LPO: variants seen among roughly 807,000 people sequenced by gnomAD.
The protein encoded by LPO is salivary peroxidase.
Under a neutral mutation model 68.4 loss-of-function variants are expected in LPO, and 70 were observed. The ratio of observed to expected loss-of-function variants is 1.02; its 90% CI spans 0.84 to 1.25. The LOEUF (loss-of-function observed/expected upper bound fraction) is 1.25. LPO is among the 50% of genes most tolerant of loss of function. LPO has a pLI of 0.00. For synonymous variants in LPO, 360 were observed against 357.6 expected, an observed-to-expected ratio of 1.01 and a Z score of -0.08; for missense variants, 873 against 908.4, an observed-to-expected ratio of 0.96 and a Z score of 0.50.
intron 8 of LPO, among the ~76,000 whole-genome samples, chr17:58,254,152 T>TATAGATATATAGATAGATAGATAG (rs1555605278): frequency 2.5e-3 from 336 of 133,368 alleles, no homozygotes; most frequent in African/African-American, 4.4e-3. Flanking sequence ...TATATAGATA[T>TATAGATATATAGATAGATAGATAG]ATAGATAGAT....
chr17:58,251,694 AACTT>A (rs1374121255), intron 7 of LPO: 2 of 362,610 alleles, frequency 5.5e-6, no homozygotes, highest in Non-Finnish European at 1.1e-5. Flanking sequence ...GTTCTTAGGC[AACTT>A]ACTTAACTTT....
intron 8 of LPO, among the ~76,000 whole-genome samples, chr17:58,253,022 C>CAAAAAAA (rs765890765): frequency 9.0e-4 from 28 of 31,094 alleles, no homozygotes; most frequent in African/African-American, 1.8e-3. Context: ...GACTCCATCT[C>CAAAAAAA]AAAAAAAAAA....
rs528577136 is a variant in LPO, at chr17:58,244,939, G to A, written c.164+858G>A. 4.6e-5 allele frequency among the ~76,000 whole-genome samples: 7 copies of A among 152,316 alleles called. No individual in the cohort carries two copies. The East Asian group carries it at 1.2e-3, about 25-fold the overall frequency. On this transcript the variant is annotated intron_variant, in intron 3 of 12. Transcript: ENST00000262290. Reference sequence around the variant, plus strand: ...CTTCCCTCAGGAAACGCACACTCTAGGGAGAGGGCAGACATTGAGAAAAAA... The same window carrying A: ...CTTCCCTCAGGAAACGCACACTCTAAGGAGAGGGCAGACATTGAGAAAAAA...
chr17:58,239,631 C>T (rs1044849716), intron 1 of LPO, among the ~76,000 whole-genome samples: 1 of 152,096 alleles, frequency 6.6e-6, no homozygotes, highest in African/African-American at 2.4e-5. Flanking sequence ...ATCTCACTGA[C>T]TTCATCCCTT....
At chr17:58,267,720 C>T in intron 12 of LPO, 67 bp from the exon 13 acceptor site, 2 of 1,516,136 alleles carry the variant, frequency 1.3e-6, no homozygotes, top group Non-Finnish European at 1.8e-6. Context: ...CCCTTTCCTT[C>T]CCCTGTGACA....
intron 1 of LPO, among the ~76,000 whole-genome samples, chr17:58,239,863 G>C (rs1224491517): frequency 6.6e-6 from 1 of 152,126 alleles, no homozygotes; most frequent in East Asian, 1.9e-4. Context: ...AGTGTGAGAG[G>C]CTTGCCGAGG....
chr17:58,249,692 G>A lies in LPO; in HGVS notation c.570G>A (p.Pro190=). 1 of 1,565,538 alleles carries A rather than the reference G, an allele frequency of 6.4e-7. No homozygotes were observed. Among genetic ancestry groups the A allele is most frequent in the Non-Finnish European group, 8.6e-7 (1 of 1,163,114 alleles). ...PGKTRNGFPL[P]LAREVSNKIV... is the part of the protein sequence containing the mutation. ...AGACGCGCAACGGCTTCCCTCTCCC[G>A]CTGGTGAGGGCAGGCCGGGCCGGGG... Residue 190 remains proline, a synonymous_variant, in exon 6 of 13, where the codon CCG becomes CCA. Transcript: ENST00000262290.
At chr17:58,254,741 T>C in intron 8 of LPO, 70 bp from the exon 9 acceptor site, 1 of 1,533,398 alleles carries the variant, frequency 6.5e-7, no homozygotes, top group Non-Finnish European at 8.9e-7. Flanking sequence ...GCACCATCAT[T>C]TCTTTGTGCA....
In LPO at chr17:58,247,625, G is replaced by T; in HGVS notation, c.312G>T (p.Leu104Phe). 1 of 1,613,788 alleles carries T rather than the reference G, an allele frequency of 6.2e-7. No individual in the cohort carries two copies. Among genetic ancestry groups the T allele is most frequent in the South Asian group, 1.1e-5 (1 of 91,046 alleles). Reference sequence around the variant, plus strand: ...AGAGACTGAGGCAGAAGGCATCCTTGACCAATGTCACAGGTACAGAAAACC... The same window carrying T: ...AGAGACTGAGGCAGAAGGCATCCTTTACCAATGTCACAGGTACAGAAAACC... Reference protein sequence around the residue: ...SLKRLRQKASLTNVTDPSLDL... With the variant: ...SLKRLRQKASFTNVTDPSLDL... Residue 104 changes from leucine (L) to phenylalanine (F), a missense_variant, in exon 4 of 13, where the codon TTG becomes TTT. Transcript: ENST00000262290.
At chr17:58,260,327 T>G (rs1970153808) in intron 9 of LPO, among the ~76,000 whole-genome samples, 1 of 152,214 alleles carries the variant, frequency 6.6e-6, no homozygotes, top group Non-Finnish European at 1.5e-5. Flanking sequence ...TAAAGACAGT[T>G]GTGTTTCTTC....
intron 5 of LPO, 186 bp from the exon 6 acceptor site, chr17:58,249,380 T>A: frequency 2.0e-6 from 2 of 1,021,070 alleles, no homozygotes; most frequent in Non-Finnish European, 2.8e-6. Context: ...AAGCGGCACC[T>A]TTCCCCGGGG....
At chr17:58,240,996 G>A (rs933242038) in intron 1 of LPO, among the ~76,000 whole-genome samples, 1 of 151,986 alleles carries the variant, frequency 6.6e-6, no homozygotes, top group Admixed American at 6.6e-5. Context: ...GGATGAAAAT[G>A]TTCTAGAGAT....
At chr17:58,245,102 G>A (rs537786173) in intron 3 of LPO, among the ~76,000 whole-genome samples, 6 of 152,310 alleles carry the variant, frequency 3.9e-5, no homozygotes, top group East Asian at 3.9e-4. Context: ...CGCTCTGGAC[G>A]CTTCTAGTCC....
Position 58,249,095 on chromosome 17 carries a change from G to A in LPO, c.361G>A (p.Val121Met). The change falls in exon 5 of 13, where the codon GTG (valine) becomes ATG (methionine). Residue 121 changes from valine (V) to methionine (M), a missense_variant. Val to Met is a conservative substitution (Grantham distance 21). Transcript: ENST00000262290. ...SLDLTSLSLE[V>M]GCGAPAPVVR... ...GGACTTGACTTCACTGTCTCTGGAG[G>A]TGGGCTGTGGTGCTCCTGCTCCCGT... is the stretch of plus-strand genomic sequence containing the variant. The A allele has an allele frequency of 6.2e-7, 1 of 1,614,196 alleles. No individual in the cohort carries two copies. Among genetic ancestry groups the A allele is most frequent in the African/African-American group, 1.3e-5 (1 of 75,056 alleles).
chr17:58,265,101 T>G, intron 10 of LPO, 127 bp downstream of exon 10: 1 of 1,211,244 alleles, frequency 8.3e-7, no homozygotes, highest in Non-Finnish European at 1.1e-6. Flanking sequence ...TTCACCTCAC[T>G]GAGCCTCAGT....
Position 58,259,395 on chromosome 17 carries a change from T to C in LPO, c.1266+4424T>C, listed in dbSNP as rs1419963454. Among the ~76,000 whole-genome samples the C allele has an allele frequency of 2.0e-5, 3 of 152,226 alleles. No individual in the cohort carries two copies. In the East Asian group the frequency reaches 5.8e-4, roughly 29 times the overall value. On this transcript the variant is annotated intron_variant, in intron 9 of 12. Transcript: ENST00000262290. ...TTTTGTTTCTTTGGTAAAAAATATTTGGGCATATTTACATGGATCTATTTC... is the reference window on the plus strand; with the variant it reads ...TTTTGTTTCTTTGGTAAAAAATATTCGGGCATATTTACATGGATCTATTTC...
chr17:58,267,520 G>A lies in LPO; in HGVS notation c.1865G>A (p.Gly622Asp), dbSNP rs757291917. The change falls in exon 12 of 13, where the codon GGT becomes GAT. Residue 622 changes from glycine (G) to aspartate (D), a missense_variant. By Grantham distance (94) the Gly-to-Asp change is moderately conservative (BLOSUM62 -1). Transcript: ENST00000262290. ...ATTGCTGAGCCGCTGGTGGAAAGGG[G>A]TCGGGTGGGGCCTCTCCTGGCCTGC... is the stretch of plus-strand genomic sequence containing the variant. ...GAIAEPLVER[G>D]RVGPLLACLL... is the part of the protein sequence containing the mutation. The A allele has an allele frequency of 5.0e-6, 8 of 1,614,076 alleles. No homozygotes were observed. In the East Asian group the frequency reaches 1.6e-4, roughly 31 times the overall value.
intron 4 of LPO, among the ~76,000 whole-genome samples, chr17:58,248,633 T>C (rs1413580989): frequency 1.3e-5 from 2 of 152,154 alleles, no homozygotes. Context: ...ATGTCCCTGC[T>C]TGCTTGGTAC....
chr17:58,250,541 AC>A lies in LPO; in HGVS notation c.702del (p.Glu235SerfsTer66), dbSNP rs768147189. On this transcript the variant is annotated frameshift_variant, in exon 7 of 13. Transcript: ENST00000262290. LOFTEE classifies it high-confidence loss of function. ...TCATGACCTGGACTTTGCCCCTGAC[AC>A]CGAGCTGGGGAGTAGCGAGTACTCC... is the stretch of plus-strand genomic sequence containing the variant. ...VDHDLDFAPD[T>X]ELGSSEYSKA... The A allele has an allele frequency of 2.5e-6, 4 of 1,614,028 alleles. No homozygotes were observed. The East Asian group carries it at 6.7e-5, about 27-fold the overall frequency.
Sources: gnomAD v4.1 joint callset for allele counts (sites outside exome capture counted in the v4.1 genomes callset) on GRCh38, gnomAD v4.1.1 for gene constraint, MANE v1.5 for transcripts, NCBI Gene and HGNC (gene_info 2026-07-23, HGNC 2026-07-21) for gene names.